Variants in GFOD1 observed in about 807,000 individuals in gnomAD.
GFOD1 encodes glucose-fructose oxidoreductase domain-containing protein 1.
Under a neutral mutation model 25.4 loss-of-function variants are expected in GFOD1, and 9 were observed. That is an observed-to-expected ratio of 0.35 (90% confidence interval 0.21 to 0.62). GFOD1 has a LOEUF of 0.62. GFOD1 is among the 20% of genes least tolerant of loss of function. The pLI is 0.72. For missense variants in GFOD1, 403 were observed against 556.9 expected, an observed-to-expected ratio of 0.72 and a Z score of 2.78; for synonymous variants, 253 against 245.6, an observed-to-expected ratio of 1.03 and a Z score of -0.28.
At position 13,365,350 on chromosome 6, in the gene GFOD1, C is replaced by T. The variant is rs868423927; in HGVS notation, c.566G>A (p.Gly189Asp). Reference sequence around the variant, plus strand: ...CCCGTGGACCTTGACGGCCTTTTGGCCGGTGAGGAAGGTGAGCAGGTCGAT... The same window carrying T: ...CCCGTGGACCTTGACGGCCTTTTGGTCGGTGAGGAAGGTGAGCAGGTCGAT... The part of the protein sequence containing the change: ...YIIDLLTFLT[G>D]QKAVKVHGLL... The change falls in exon 2 of 2, where the codon GGC becomes GAC. Residue 189 changes from glycine to aspartate, a missense_variant. Gly to Asp is a moderately conservative substitution (Grantham distance 94, BLOSUM62 -1). Coordinates refer to ENST00000379287, the MANE Select transcript of GFOD1 (RefSeq NM_018988.4). This position sits in a 1 kb window ranked among gnomAD's most constrained non-coding sequence, Gnocchi z 9.2. 3.7e-6 allele frequency: 6 copies of T among 1,614,032 alleles called. No homozygotes were observed. Among genetic ancestry groups the T allele is most frequent in the Non-Finnish European group, 5.1e-6 (6 of 1,180,024 alleles).
intron 1 of GFOD1, among the ~76,000 whole-genome samples, chr6:13,460,314 T>C (rs528438803): frequency 6.6e-6 from 1 of 152,296 alleles, no homozygotes; most frequent in South Asian, 2.1e-4. Context: ...CATTACTAGG[T>C]ATATACTCAA....
chr6:13,449,489 C>A (rs1408012428), intron 1 of GFOD1, among the ~76,000 whole-genome samples: 3 of 152,174 alleles, frequency 2.0e-5, no homozygotes, highest in Admixed American at 6.5e-5. Context: ...GGTTTCTATT[C>A]AAAGCTCATA....
intron 1 of GFOD1, among the ~76,000 whole-genome samples, chr6:13,409,907 A>AGTGGGG (rs1554202002): frequency 7.0e-6 from 1 of 142,344 alleles, no homozygotes; most frequent in Admixed American, 7.0e-5. Context: ...TGGGCGACAG[A>AGTGGGG]GCGGGGCTCC....
At chr6:13,445,565 A>G (rs1757989112) in intron 1 of GFOD1, among the ~76,000 whole-genome samples, 1 of 152,214 alleles carries the variant, frequency 6.6e-6, no homozygotes, top group Non-Finnish European at 1.5e-5. Flanking sequence ...CCCTCCAAGT[A>G]TGGTTCTGAA....
At position 13,415,906 on chromosome 6, in the gene GFOD1, G is replaced by A. The variant is rs527872118; in HGVS notation, c.254-50244C>T. On this transcript the variant is annotated intron_variant, in intron 1 of 1. Coordinates refer to ENST00000379287, the MANE Select transcript of GFOD1 (RefSeq NM_018988.4). ...ATGTTTCTGGCACACAGTGGTAACA[G>A]ACAAACGTGGTCCCATCCCTCGAGG... is the stretch of plus-strand genomic sequence containing the variant. Among the ~76,000 whole-genome samples the A allele has an allele frequency of 3.3e-5, 5 of 152,322 alleles. No homozygotes were observed. In the East Asian group the frequency reaches 7.7e-4, roughly 23 times the overall value.
chr6:13,451,041 C>A (rs745740808), intron 1 of GFOD1, among the ~76,000 whole-genome samples: 4 of 152,222 alleles, frequency 2.6e-5, no homozygotes, highest in Non-Finnish European at 5.9e-5. Context: ...GCCCTCACCT[C>A]TGGGCTGGCC....
At chr6:13,425,189 A>G (rs535230030) in intron 1 of GFOD1, among the ~76,000 whole-genome samples, 8 of 151,924 alleles carry the variant, frequency 5.3e-5, no homozygotes, top group Non-Finnish European at 1.0e-4. Flanking sequence ...CAAACTCCTG[A>G]GCTCAAGGAA....
At chr6:13,390,769 G>A (rs1452806897) in intron 1 of GFOD1, among the ~76,000 whole-genome samples, 3 of 94,614 alleles carry the variant, frequency 3.2e-5, no homozygotes, top group Non-Finnish European at 6.4e-5. Context: ...GAAAGAGAGA[G>A]AGAGAGAGAG....
chr6:13,439,158 C>A (rs1194500337), intron 1 of GFOD1, among the ~76,000 whole-genome samples: 1 of 152,178 alleles, frequency 6.6e-6, no homozygotes. Context: ...CTCAAGACTG[C>A]CCCTTGTCTA....
At chr6:13,439,462 C>T (rs764835603) in intron 1 of GFOD1, among the ~76,000 whole-genome samples, 1 of 152,230 alleles carries the variant, frequency 6.6e-6, no homozygotes, top group Non-Finnish European at 1.5e-5. Flanking sequence ...GGAACCACCA[C>T]ATTTGCACTT....
intron 1 of GFOD1, among the ~76,000 whole-genome samples, chr6:13,460,684 T>C (rs1198191609): frequency 8.6e-6 from 1 of 116,878 alleles, no homozygotes; most frequent in Non-Finnish European, 1.9e-5. Flanking sequence ...GGAGAGGGAG[T>C]GTATCAGGAT....
intron 1 of GFOD1, among the ~76,000 whole-genome samples, chr6:13,377,611 C>T (rs1785280042): frequency 6.6e-6 from 1 of 152,190 alleles, no homozygotes; most frequent in Non-Finnish European, 1.5e-5. Context: ...TGCCACCTTT[C>T]CAGAGCTCCT....
In GFOD1 at chr6:13,360,787, A is replaced by G. The variant is rs901082893; in HGVS notation, c.*3956T>C. Reference sequence around the variant, plus strand: ...AGCCGCAGGTTAGTCCATGCTTGTCACAGTCCTTCCTGGGTGTGAGAGCAG... The same window carrying G: ...AGCCGCAGGTTAGTCCATGCTTGTCGCAGTCCTTCCTGGGTGTGAGAGCAG... On this transcript the variant is annotated 3_prime_UTR_variant, in exon 2 of 2. Transcript: ENST00000379287. The G allele has an allele frequency of 4.4e-6, 2 of 456,732 alleles. No individual in the cohort carries two copies. Among genetic ancestry groups the G allele is most frequent in the Non-Finnish European group, 8.8e-6 (2 of 226,960 alleles). The allele number at this position is 456,732 out of a possible 1,614,324, so 28.3% of individuals were successfully genotyped here. A position where few individuals can be genotyped will look rare whatever the true frequency, so the allele number is the denominator to read the frequency against.
At position 13,427,910 on chromosome 6, in the gene GFOD1, C is replaced by T. The variant is rs113492644; in HGVS notation, c.253+58728G>A. Reference sequence around the variant, plus strand: ...GCCTCGTGACATTGTGGCCACCAAGCGTGGGAAGGAACTACTAAACTTCAA... The same window carrying T: ...GCCTCGTGACATTGTGGCCACCAAGTGTGGGAAGGAACTACTAAACTTCAA... On this transcript the variant is annotated intron_variant, in intron 1 of 1. Transcript: ENST00000379287. Among the ~76,000 whole-genome samples the T allele has an allele frequency of 6.6e-5, 10 of 152,182 alleles. 1 individual carries two copies. The highest frequency in any genetic ancestry group is 2.1e-4 in the South Asian group (1 of 4,826).
intron 1 of GFOD1, among the ~76,000 whole-genome samples, chr6:13,429,816 TTACA>T (rs1488797538): frequency 3.9e-5 from 6 of 152,218 alleles, no homozygotes; most frequent in African/African-American, 1.4e-4. Flanking sequence ...TGTATGAATA[TTACA>T]TAGATATGTA....
chr6:13,395,580 C>T (rs1013837565), intron 1 of GFOD1, among the ~76,000 whole-genome samples: 5 of 152,172 alleles, frequency 3.3e-5, no homozygotes, highest in Non-Finnish European at 5.9e-5. Context: ...GTTAAGCTCT[C>T]GGGGCTCCAG....
intron 1 of GFOD1, among the ~76,000 whole-genome samples, chr6:13,440,461 G>A (rs1469411523): frequency 6.6e-6 from 1 of 152,162 alleles, no homozygotes; most frequent in African/African-American, 2.4e-5. Flanking sequence ...AAAGTGCTGG[G>A]ATTACAGGCA....
chr6:13,379,896 G>A (rs1280848281), intron 1 of GFOD1, among the ~76,000 whole-genome samples: 1 of 152,164 alleles, frequency 6.6e-6, no homozygotes, highest in Non-Finnish European at 1.5e-5. Context: ...AGGGGACGTG[G>A]ATTGAAATTC....
rs527500897 is a variant in GFOD1, at chr6:13,471,434, C to T, written c.253+15204G>A. On this transcript the variant is annotated intron_variant, in intron 1 of 1. Transcript: ENST00000379287. ...ACCCCACCCAGGTCCGTGCCATCTG[C>T]TACCTAAAGTCCTGTAATAAACCTG... Among the ~76,000 whole-genome samples the T allele has an allele frequency of 1.6e-3, 245 of 152,298 alleles. 2 individuals are homozygous for T. The highest frequency in any genetic ancestry group is 5.7e-3 in the African/African-American group (237 of 41,554).
Sources: gnomAD v4.1 joint callset for allele counts (sites outside exome capture counted in the v4.1 genomes callset) on GRCh38, gnomAD v4.1.1 for gene constraint, Gnocchi (gnomAD v3.1) non-coding constraint, MANE v1.5 for transcripts, NCBI Gene and HGNC (gene_info 2026-07-23, HGNC 2026-07-21) for gene names.